The following DRC3 variants were observed in gnomAD, a reference collection of about 807,000 sequenced individuals.
DRC3 encodes the protein dynein regulatory complex subunit 3.
Under a neutral mutation model 57.6 loss-of-function variants are expected in DRC3, and 45 were observed. The observed-to-expected ratio is 0.78, with a 90% CI of 0.62 to 1.00. The LOEUF (loss-of-function observed/expected upper bound fraction) is 1.00, where lower values mean the gene tolerates loss of function less well. Among genes scored for constraint, DRC3 ranks in the 50% least tolerant of loss-of-function variants. DRC3 has a pLI of 0.00. For synonymous variants in DRC3, 257 were observed against 272.3 expected (o/e 0.94, Z 0.55); for missense variants, 655 against 675.2 (o/e 0.97, Z 0.33).
chr17:18,011,450 G>T, intron 12 of DRC3: 1 of 205,030 alleles, frequency 4.9e-6, no homozygotes. Context: ...CCCGTGCAGA[G>T]GCCACTGGGG....
Position 17,994,996 on chromosome 17 carries a change from C to A in DRC3, c.712-3C>A, listed in dbSNP as rs752657885. 6.2e-7 allele frequency: 1 copy of A among 1,612,708 alleles called. No homozygotes were observed. The highest frequency in any genetic ancestry group is 1.7e-5 in the Admixed American group (1 of 60,024). ...TCCTACCTACGTGTGTTTCTGCCTG[C>A]AGACTGCGTTTGTGGAACACCTGAA... On this transcript the variant is annotated splice_polypyrimidine_tract_variant and splice_region_variant and intron_variant, in intron 7 of 13. Transcript: ENST00000399187.
Position 18,016,145 on chromosome 17 carries a change from G to GC in DRC3, c.1408_1409insC (p.Asp470AlafsTer2), listed in dbSNP as rs2044354892. On this transcript the variant is annotated frameshift_variant, in exon 13 of 14. Transcript: ENST00000399187. LOFTEE classifies it high-confidence loss of function. ...CCTCCTGAAGATTGACAATCGAGAA[G>GC]ATGAGCTGGTGACCAGAATCAACTC... 1 of 1,613,922 alleles carries GC rather than the reference G, an allele frequency of 6.2e-7. No individual in the cohort carries two copies. Among genetic ancestry groups the GC allele is most frequent in the Admixed American group, 1.7e-5 (1 of 60,006 alleles).
chr17:18,006,922 G>A (rs1174978446), intron 11 of DRC3, 102 bp from the exon 12 acceptor site: 5 of 1,523,876 alleles, frequency 3.3e-6, no homozygotes, highest in Admixed American at 3.9e-5. Context: ...CAGAATTTCC[G>A]AGCTCGCCTT....
chr17:17,980,305 G>A (rs1480633756), intron 3 of DRC3, among the ~76,000 whole-genome samples: 4 of 150,414 alleles, frequency 2.7e-5, no homozygotes, highest in South Asian at 4.2e-4. Context: ...TTGTAGAGAC[G>A]GAGTCTCGCT....
chr17:17,983,018 A>C (rs2042781277), intron 3 of DRC3, among the ~76,000 whole-genome samples: 1 of 152,266 alleles, frequency 6.6e-6, no homozygotes, highest in African/African-American at 2.4e-5. Context: ...TTACATATAC[A>C]GTACATATTT....
rs372685391 is a variant in DRC3, at chr17:18,010,487, C to G, written c.1326+3340C>G. Among the ~76,000 whole-genome samples, 13 of 152,292 alleles carry G rather than the reference C, an allele frequency of 8.5e-5. No homozygotes were observed. In the East Asian group the frequency reaches 2.5e-3, roughly 29 times the overall value. On this transcript the variant is annotated intron_variant, in intron 12 of 13. Transcript: ENST00000399187. ...GAAAAAAAATCCTACAATTTAGAAT[C>G]ACAAAAGACCTTGAAGAGCCAAAGC...
At chr17:18,012,882 A>G (rs2044217742) in intron 12 of DRC3, among the ~76,000 whole-genome samples, 1 of 152,240 alleles carries the variant, frequency 6.6e-6, no homozygotes, top group Non-Finnish European at 1.5e-5. Context: ...CACCCTACAC[A>G]ATGTGACAAA....
intron 12 of DRC3, among the ~76,000 whole-genome samples, chr17:18,010,339 C>T (rs182118190): frequency 3.3e-5 from 5 of 152,292 alleles, no homozygotes; most frequent in South Asian, 4.1e-4. Flanking sequence ...ACTAGCAGTG[C>T]GGTGGTCCTG....
rs1234676613 is a variant in DRC3, at chr17:17,987,958, A to C, written c.304A>C (p.Ile102Leu). ...TCTGTCTTTCAACAACATTGAGACC[A>C]TCGAGGGGCTGGACACACTGGTGAA... ...LDLSFNNIETIEGLDTLVNLE... is the reference protein window; with the variant it reads ...LDLSFNNIETLEGLDTLVNLE... The change falls in exon 5 of 14, where the codon ATC (isoleucine) becomes CTC (leucine). Residue 102 changes from isoleucine (I) to leucine (L), a missense_variant. Transcript: ENST00000399187. 27 of 1,613,864 alleles carry C rather than the reference A, an allele frequency of 1.7e-5. No homozygotes were observed. Among genetic ancestry groups the C allele is most frequent in the Non-Finnish European group, 2.3e-5 (27 of 1,179,886 alleles).
chr17:17,995,170 GC>G, intron 8 of DRC3, 59 bp downstream of exon 8: 1 of 1,232,368 alleles, frequency 8.1e-7, no homozygotes, highest in Non-Finnish European at 1.2e-6. Flanking sequence ...CCTTGGCAAG[GC>G]CCCTTCCGCT....
intron 9 of DRC3, among the ~76,000 whole-genome samples, chr17:17,998,628 G>A (rs751263265): frequency 6.6e-6 from 1 of 152,086 alleles, no homozygotes; most frequent in African/African-American, 2.4e-5. Context: ...CCCTCGATGC[G>A]CAACTTCAGA....
In DRC3 at chr17:17,997,542, G is replaced by C; in HGVS notation, c.907G>C (p.Asp303His). ...GCAGGAGAAGCGGAAAACAGAGCTT[G>C]ACACCTTCAGTGAATGTGTCCGTGA... ...KQQEKRKTEL[D>H]TFSECVREAI... is the part of the protein sequence containing the mutation. Residue 303 changes from aspartate to histidine, a missense_variant, in exon 9 of 14, where the codon GAC becomes CAC. Transcript: ENST00000399187. The C allele has an allele frequency of 6.2e-7, 1 of 1,611,194 alleles. No homozygotes were observed. Among genetic ancestry groups the C allele is most frequent in the Non-Finnish European group, 8.5e-7 (1 of 1,178,804 alleles).
intron 12 of DRC3, chr17:18,010,949 TGTTTG>T: frequency 4.5e-6 from 1 of 222,310 alleles, no homozygotes; most frequent in Non-Finnish European, 9.0e-6. Context: ...GTTTTTTTTT[TGTTTG>T]TTTGTTTGTT....
chr17:18,003,752 C>G (rs1277377318), intron 9 of DRC3, among the ~76,000 whole-genome samples: 1 of 147,972 alleles, frequency 6.8e-6, no homozygotes, highest in Non-Finnish European at 1.5e-5. Flanking sequence ...ACGCCATTCT[C>G]CTGCCTCAGC....
At position 18,002,035 on chromosome 17, in the gene DRC3, G is replaced by T. The variant is rs151173546; in HGVS notation, c.1000-2328G>T. ...ATGCAAAAATTCACTGGGCATGGTG[G>T]CAGGCACCTATAATCCCAGCTACTT... On this transcript the variant is annotated intron_variant, in intron 9 of 13. Transcript: ENST00000399187. Among the ~76,000 whole-genome samples, 686 of 152,142 alleles carry T rather than the reference G, an allele frequency of 4.5e-3. 6 individuals are homozygous for T. Among genetic ancestry groups the T allele is most frequent in the African/African-American group, 0.016 (664 of 41,504 alleles).
At position 17,993,035 on chromosome 17, in the gene DRC3, C is replaced by G. The variant is rs765508614; in HGVS notation, c.591+124C>G. 2.3e-5 allele frequency: 23 copies of G among 999,052 alleles called. No individual in the cohort carries two copies. The East Asian group carries it at 5.3e-4, about 23-fold the overall frequency. The allele number at this position is 999,052 out of a possible 1,614,324, so 61.9% of individuals were successfully genotyped here. A position where few individuals can be genotyped will look rare whatever the true frequency, so the allele number is the denominator to read the frequency against. On this transcript the variant is annotated intron_variant, in intron 6 of 13. Coordinates refer to ENST00000399187, the MANE Select transcript of DRC3 (RefSeq NM_031294.4). ...CACAACTAGGAGAGAAAGGGCAGCT[C>G]CCTCTTCCTAATCCCTTTACCTGAC...
At position 18,004,443 on chromosome 17, in the gene DRC3, G is replaced by A; in HGVS notation, c.1080G>A (p.Glu360=). The A allele has an allele frequency of 1.9e-6, 3 of 1,611,330 alleles. No individual in the cohort carries two copies. The highest frequency in any genetic ancestry group is 2.5e-6 in the Non-Finnish European group (3 of 1,178,816). ...TAGAATGCAGTGCTGACATCAGTGA[G>A]TTGTTCGATGCGCTCATGACGCTGG... ...MILECSADIS[E]LFDALMTLEM... is the part of the protein sequence containing the mutation. Residue 360 remains glutamate (E), a synonymous_variant, in exon 10 of 14, where the codon GAG becomes GAA. Transcript: ENST00000399187.
chr17:18,015,376 T>A (rs1444124442), intron 12 of DRC3: 1 of 152,232 alleles, frequency 6.6e-6, no homozygotes, highest in Non-Finnish European at 1.5e-5. Flanking sequence ...GCTTACTGAG[T>A]GCTTCAGTGG....
chr17:18,007,353 T>TAAAACC lies in DRC3; in HGVS notation c.1326+209_1326+210insACCAAA. 1.9e-6 allele frequency: 3 copies of TAAAACC among 1,541,160 alleles called. No individual in the cohort carries two copies. In the Admixed American group the frequency reaches 5.9e-5, roughly 30 times the overall value. ...GGTGGGGCACCCAGTGGGGCCCAGT[T>TAAAACC]AAAGAGGAGCTCATGATAATTAGAT... On this transcript the variant is annotated intron_variant, in intron 12 of 13. Coordinates refer to ENST00000399187, the MANE Select transcript of DRC3 (RefSeq NM_031294.4).
Sources: gnomAD v4.1 joint callset for allele counts (sites outside exome capture counted in the v4.1 genomes callset) on GRCh38, gnomAD v4.1.1 for gene constraint, MANE v1.5 for transcripts, NCBI Gene and HGNC (gene_info 2026-07-23, HGNC 2026-07-21) for gene names.